The following USP39 variants were observed in gnomAD, a reference collection of about 807,000 sequenced individuals.
USP39 encodes ubiquitin carboxyl-terminal hydrolase 39.
In USP39, 38 loss-of-function variants were observed where a neutral mutation model predicts 66.4. That is an observed-to-expected ratio of 0.57 (90% CI 0.44 to 0.75). USP39 has a LOEUF of 0.75. Among genes scored for constraint, USP39 ranks in the 30% least tolerant of loss-of-function variants. USP39 has a pLI of 0.00. For missense variants in USP39, 608 were observed against 714.4 expected, an observed-to-expected ratio of 0.85 and a Z score of 1.70; for synonymous variants, 303 against 274.6, an observed-to-expected ratio of 1.10 and a Z score of -1.02.
chr2:85,609,195 A>G (rs1573372850), upstream of USP39: 9 of 1,356,444 alleles, frequency 6.6e-6, no homozygotes, highest in South Asian at 2.8e-5. Context: ...GTCATTTCCT[A>G]TGTGTCTCCT....
At chr2:85,612,334 G>C, upstream of USP39, 1 of 1,535,998 alleles carries the variant, frequency 6.5e-7, no homozygotes, top group South Asian at 1.2e-5. Context: ...CGATGCTTAC[G>C]GCGGTGCCTT....
At chr2:85,611,304 G>A, upstream of USP39, 3 of 1,420,106 alleles carry the variant, frequency 2.1e-6, no homozygotes, top group East Asian at 5.3e-5. Flanking sequence ...AGAAGCTGGG[G>A]AAAGGCCATT....
At chr2:85,612,367 G>A (rs2104175375), upstream of USP39, 4 of 1,536,040 alleles carry the variant, frequency 2.6e-6, no homozygotes, top group South Asian at 4.8e-5. Flanking sequence ...CTGGTAATAG[G>A]ATGCTGTGCA....
chr2:85,648,085 A>C, intron 12 of USP39, 69 bp downstream of exon 12: 1 of 1,528,010 alleles, frequency 6.5e-7, no homozygotes, highest in Admixed American at 1.7e-5. Flanking sequence ...GAGTGGGCCA[A>C]GGCAGGAAGA....
intron 1 of USP39, among the ~76,000 whole-genome samples, chr2:85,603,467 AGAGACCCG>A (rs1326704981): frequency 6.6e-6 from 1 of 152,200 alleles, no homozygotes; most frequent in Non-Finnish European, 1.5e-5. Flanking sequence ...GGGGAAGGTG[AGAGACCCG>A]GAGGAATCTG....
chr2:85,604,197 C>G (rs1462388980), intron 1 of USP39, among the ~76,000 whole-genome samples: 2 of 152,138 alleles, frequency 1.3e-5, no homozygotes, highest in East Asian at 3.9e-4. Flanking sequence ...GAAATGGAAG[C>G]AGAAAACCTG....
intron 1 of USP39, among the ~76,000 whole-genome samples, chr2:85,606,292 G>A (rs1673211734): frequency 6.6e-6 from 1 of 152,220 alleles, no homozygotes; most frequent in Admixed American, 6.5e-5. Flanking sequence ...CACAGCACCG[G>A]ACAGTGTTCT....
In USP39 at chr2:85,636,155, A is replaced by G. The variant is rs763876160; in HGVS notation, c.1027+25A>G. ...AGTAAGTCATTTACTTATAAAAAGG[A>G]GTTATTTTGTTCCCTTTTAAAAAAC... On this transcript the variant is annotated intron_variant, in intron 7 of 12. Coordinates refer to ENST00000323701, the MANE Select transcript of USP39 (RefSeq NM_006590.4). 11 of 1,608,478 alleles carry G rather than the reference A, an allele frequency of 6.8e-6. No homozygotes were observed. The Admixed American group carries it at 1.2e-4, about 17-fold the overall frequency.
At chr2:85,620,609 A>G (rs1181309693) in intron 2 of USP39, among the ~76,000 whole-genome samples, 3 of 152,226 alleles carry the variant, frequency 2.0e-5, no homozygotes, top group Admixed American at 1.3e-4. Flanking sequence ...AGTCAGCCTC[A>G]GTATCAGGAT....
At position 85,616,460 on chromosome 2, in the gene USP39, C is replaced by T; in HGVS notation, c.265C>T (p.Arg89Ter). ...GGACTCGGAGCCTGAGCGGGAGGTG[C>T]GAGGTGCGCGGGGCCGGGCCGGGCT... ...DEDSEPEREVRAKNGRVDSED... is the reference protein window; with the variant it reads ...DEDSEPEREV Residue 89 changes from arginine (R) to a stop codon, truncating the protein, a stop_gained, in exon 1 of 13, where the codon CGA (arginine) becomes TGA (stop). Transcript: ENST00000323701. LOFTEE classifies it high-confidence loss of function. 6.5e-7 allele frequency: 1 copy of T among 1,529,574 alleles called. No individual in the cohort carries two copies. Among genetic ancestry groups the T allele is most frequent in the Non-Finnish European group, 8.8e-7 (1 of 1,131,714 alleles). 94.8% of individuals were successfully genotyped at this position (1,529,574 alleles called of 1,614,324 possible). A position where few individuals can be genotyped will look rare whatever the true frequency, so the allele number is the denominator to read the frequency against.
chr2:85,638,699 G>A (rs1248415962), intron 8 of USP39, among the ~76,000 whole-genome samples: 2 of 151,754 alleles, frequency 1.3e-5, no homozygotes, highest in Non-Finnish European at 2.9e-5. Flanking sequence ...CACCACGCCC[G>A]GCTTATTTTG....
intron 4 of USP39, among the ~76,000 whole-genome samples, chr2:85,624,675 A>T (rs1012992920): frequency 2.0e-5 from 3 of 152,164 alleles, no homozygotes; most frequent in Non-Finnish European, 2.9e-5. Flanking sequence ...TAAAATAGTT[A>T]TGGACAGGCT....
intron 8 of USP39, 30 bp from the exon 9 acceptor site, chr2:85,639,173 T>C (rs760586643): frequency 1.3e-6 from 2 of 1,597,634 alleles, no homozygotes; most frequent in Non-Finnish European, 1.7e-6. Flanking sequence ...TCACACTCCT[T>C]TCCTCTCTTT....
At chr2:85,611,099 G>C, upstream of USP39, 1 of 266,122 alleles carries the variant, frequency 3.8e-6, no homozygotes, top group Non-Finnish European at 6.2e-6. Flanking sequence ...AAATTAACCG[G>C]TGTGGTGGCA....
intron 11 of USP39, among the ~76,000 whole-genome samples, chr2:85,647,375 A>G (rs1235735119): frequency 3.3e-5 from 5 of 152,068 alleles, no homozygotes; most frequent in Non-Finnish European, 4.4e-5. Context: ...TTCAGACTCC[A>G]TTGTACTTCA....
upstream of USP39, among the ~76,000 whole-genome samples, chr2:85,615,860 C>T (rs1052316714): frequency 6.6e-6 from 1 of 152,170 alleles, no homozygotes; most frequent in Non-Finnish European, 1.5e-5. Flanking sequence ...GAACTCCCGA[C>T]CTCAGGTGAT....
rs1272232734 is a variant in USP39, at chr2:85,619,220, C to T, written c.269C>T (p.Ala90Val). Residue 90 changes from alanine to valine, a missense_variant and splice_region_variant, in exon 2 of 13, where the codon GCA becomes GTA. Coordinates refer to ENST00000323701, the MANE Select transcript of USP39 (RefSeq NM_006590.4). Reference sequence around the variant, plus strand: ...AAGCCTGTGATGATTTTCCTTTCAGCAAAGAATGGCCGAGTGGATTCTGAG... The same window carrying T: ...AAGCCTGTGATGATTTTCCTTTCAGTAAAGAATGGCCGAGTGGATTCTGAG... ...EDSEPEREVR[A>V]KNGRVDSEDR... 1 of 1,613,804 alleles carries T rather than the reference C, an allele frequency of 6.2e-7. No individual in the cohort carries two copies. Among genetic ancestry groups the T allele is most frequent in the Non-Finnish European group, 8.5e-7 (1 of 1,179,938 alleles).
At chr2:85,637,808 T>C (rs1675898108) in intron 8 of USP39, among the ~76,000 whole-genome samples, 1 of 152,118 alleles carries the variant, frequency 6.6e-6, no homozygotes, top group Admixed American at 6.5e-5. Context: ...GCGATTCTCC[T>C]GCCTTAGCCT....
chr2:85,636,152 A>C lies in USP39; in HGVS notation c.1027+22A>C, dbSNP rs1464168926. On this transcript the variant is annotated intron_variant, in intron 7 of 12. Transcript: ENST00000323701. ...AAGAGTAAGTCATTTACTTATAAAA[A>C]GGAGTTATTTTGTTCCCTTTTAAAA... is the stretch of plus-strand genomic sequence containing the variant. 41 of 1,610,444 alleles carry C rather than the reference A, an allele frequency of 2.5e-5. No homozygotes were observed. In the Admixed American group the frequency reaches 6.9e-4, roughly 27 times the overall value.
Sources: gnomAD v4.1 joint callset for allele counts (sites outside exome capture counted in the v4.1 genomes callset) on GRCh38, gnomAD v4.1.1 for gene constraint, MANE v1.5 for transcripts, NCBI Gene and HGNC (gene_info 2026-07-23, HGNC 2026-07-21) for gene names.